Variants in TENM4 observed in about 807,000 individuals in gnomAD.
The protein encoded by TENM4 is teneurin-4.
TENM4 carries 82 observed loss-of-function variants against 243.3 expected under a neutral mutation model. The ratio of observed to expected loss-of-function variants is 0.34; its 90% confidence interval spans 0.28 to 0.40. TENM4 has a LOEUF of 0.40. Among genes scored for constraint, TENM4 ranks in the 10% least tolerant of loss-of-function variants. The pLI is 1.00. For synonymous variants in TENM4, 1,412 were observed against 1,456.3 expected (o/e 0.97, Z 0.69); for missense variants, 3,138 against 3,673.3 (o/e 0.85, Z 3.77).
At chr11:79,346,545 A>G (rs1474264456) in intron 1 of TENM4, among the ~76,000 whole-genome samples, 1 of 152,188 alleles carries the variant, frequency 6.6e-6, no homozygotes, top group Non-Finnish European at 1.5e-5. Context: ...TTATTCTATT[A>G]CGAGTAATTA....
intron 15 of TENM4, 66 bp from the exon 16 acceptor site, chr11:78,787,149 AG>A: frequency 6.9e-7 from 1 of 1,455,084 alleles, no homozygotes; most frequent in African/African-American, 1.4e-5. Flanking sequence ...CCAGAGGGGC[AG>A]GGGAGAGAGG....
chr11:79,172,120 T>TTTTA (rs1291831120), intron 3 of TENM4, among the ~76,000 whole-genome samples: 2 of 152,118 alleles, frequency 1.3e-5, no homozygotes, highest in East Asian at 3.9e-4. Flanking sequence ...CCTGACTAAT[T>TTTTA]TTTATTTATT....
chr11:78,937,308 A>C (rs182291901), intron 6 of TENM4, among the ~76,000 whole-genome samples: 35 of 152,334 alleles, frequency 2.3e-4, no homozygotes, highest in Non-Finnish European at 1.5e-4. Context: ...TCTCCATTTC[A>C]GTGCCAGCAT....
At chr11:78,737,472 C>T (rs1002228599) in intron 20 of TENM4, among the ~76,000 whole-genome samples, 8 of 152,288 alleles carry the variant, frequency 5.3e-5, no homozygotes, top group South Asian at 2.1e-4. Flanking sequence ...TCACCTCGGC[C>T]GGGACATGTT....
chr11:79,310,633 T>C (rs1013249520), intron 1 of TENM4, among the ~76,000 whole-genome samples: 2 of 152,220 alleles, frequency 1.3e-5, no homozygotes, highest in Admixed American at 6.5e-5. Context: ...AGTTGCCCTG[T>C]AGTTAACAAC....
intron 6 of TENM4, among the ~76,000 whole-genome samples, chr11:79,052,702 T>A (rs1859829175): frequency 6.6e-6 from 1 of 152,176 alleles, no homozygotes; most frequent in Non-Finnish European, 1.5e-5. Flanking sequence ...CCTTTCAGTC[T>A]CTTGGGGTCG....
chr11:79,153,628 G>A (rs911561009), intron 3 of TENM4, among the ~76,000 whole-genome samples: 3 of 152,152 alleles, frequency 2.0e-5, no homozygotes, highest in African/African-American at 4.8e-5. Context: ...GTGGGAAACC[G>A]AAGCAGTGGT....
At chr11:79,026,221 C>A (rs1180014676) in intron 6 of TENM4, among the ~76,000 whole-genome samples, 1 of 152,070 alleles carries the variant, frequency 6.6e-6, no homozygotes, top group Admixed American at 6.5e-5. Context: ...CCTACATGAC[C>A]CTGGGTGTGA....
chr11:78,966,619 G>T (rs1857442822), intron 6 of TENM4, among the ~76,000 whole-genome samples: 3 of 152,086 alleles, frequency 2.0e-5, no homozygotes, highest in Admixed American at 2.0e-4. Flanking sequence ...GAGCTGGGGG[G>T]CTCATTTCAA....
At chr11:78,871,535 G>A (rs935035931) in intron 9 of TENM4, among the ~76,000 whole-genome samples, 9 of 152,128 alleles carry the variant, frequency 5.9e-5, no homozygotes, top group Admixed American at 1.3e-4. Context: ...CTTGATTAGC[G>A]CCTTTGTGTC....
At chr11:79,280,971 T>G (rs1403651773) in intron 2 of TENM4, among the ~76,000 whole-genome samples, 1 of 152,158 alleles carries the variant, frequency 6.6e-6, no homozygotes, top group Non-Finnish European at 1.5e-5. Flanking sequence ...TTCTAAAAGG[T>G]CACAGTCAAT....
intron 20 of TENM4, among the ~76,000 whole-genome samples, chr11:78,735,753 T>C (rs894392453): frequency 3.3e-5 from 5 of 152,160 alleles, no homozygotes; most frequent in African/African-American, 9.7e-5. Context: ...ATGATCATAA[T>C]CATTTGGCAG....
chr11:79,206,340 G>A (rs558622230), intron 3 of TENM4, among the ~76,000 whole-genome samples: 7 of 152,354 alleles, frequency 4.6e-5, no homozygotes, highest in South Asian at 4.1e-4. Flanking sequence ...CTGGAACAGA[G>A]ACTGCCTATT....
chr11:79,201,242 C>T (rs1402833742), intron 3 of TENM4, among the ~76,000 whole-genome samples: 1 of 152,162 alleles, frequency 6.6e-6, no homozygotes, highest in African/African-American at 2.4e-5. Flanking sequence ...GTGTTTCTAA[C>T]AGTAGTGTTG....
rs142907388 is a variant in TENM4 at position 78,698,794 on chromosome 11, C to A, written c.5087+2732G>T. 5.9e-5 allele frequency among the ~76,000 whole-genome samples: 9 copies of A among 152,350 alleles called. No homozygotes were observed. In the East Asian group the frequency reaches 1.5e-3, roughly 26 times the overall value. The stretch of plus-strand genomic sequence containing the variant: ...TGGGTCTGGAGGCCAGCTAGCCTGT[C>A]CCTGAGTCACATGGCTCGCAGCCAG... On this transcript the variant is annotated intron_variant, in intron 28 of 33. Transcript: ENST00000278550.
intron 1 of TENM4, among the ~76,000 whole-genome samples, chr11:79,404,073 A>T (rs1590941917): frequency 6.6e-6 from 1 of 152,230 alleles, no homozygotes; most frequent in African/African-American, 2.4e-5. Context: ...AAGGACCTTG[A>T]CCCTCCGCTG....
chr11:78,761,755 C>T (rs923795774), intron 18 of TENM4, among the ~76,000 whole-genome samples: 1 of 140,852 alleles, frequency 7.1e-6, no homozygotes, highest in African/African-American at 3.0e-5. Context: ...TCCTTCTGGT[C>T]TAGTAGGCAC....
At chr11:79,003,572 A>G (rs1858392282) in intron 6 of TENM4, among the ~76,000 whole-genome samples, 1 of 152,216 alleles carries the variant, frequency 6.6e-6, no homozygotes, top group Non-Finnish European at 1.5e-5. Context: ...CAAAGAAGAA[A>G]TAAAATACTT....
chr11:79,411,161 A>G (rs1369593813), intron 1 of TENM4, among the ~76,000 whole-genome samples: 1 of 152,170 alleles, frequency 6.6e-6, no homozygotes, highest in East Asian at 1.9e-4. Context: ...AGTAGGACAC[A>G]CAGACTGCCT....
Sources: allele counts gnomAD v4.1 joint callset (sites outside exome capture counted in the v4.1 genomes callset), GRCh38; gene constraint gnomAD v4.1.1; transcripts MANE v1.5; gene names NCBI Gene and HGNC (gene_info 2026-07-23, HGNC 2026-07-21).